Variants in CFAP96 observed in about 807,000 individuals in gnomAD.
CFAP96 encodes cilia and flagella associated protein 96.
At chr4:185,449,053 C>T in the CFAP96 span, among the ~76,000 whole-genome samples, 3 of 152,090 alleles carry the variant, frequency 2.0e-5, no homozygotes, top group Admixed American at 6.6e-5. Context: ...CCTTTGGACA[C>T]CAGAATTTAA....
At chr4:185,426,879 CAAAAAAAAAAAAAAAAAAAA>C in the CFAP96 span, among the ~76,000 whole-genome samples, 10 of 69,038 alleles carry the variant, frequency 1.4e-4, no homozygotes, top group East Asian at 3.6e-4. Flanking sequence ...CTAAAAATAC[CAAAAAAAAAAAAAAAAAAAA>C]AAAAAAAAAA....
the CFAP96 span, among the ~76,000 whole-genome samples, chr4:185,443,422 C>A: frequency 1.4e-5 from 2 of 142,004 alleles, no homozygotes; most frequent in African/African-American, 5.3e-5. Flanking sequence ...TGGCTCACTG[C>A]AACCTCTGCC....
chr4:185,430,782 A>G, the CFAP96 span, among the ~76,000 whole-genome samples: 1 of 151,992 alleles, frequency 6.6e-6, no homozygotes, highest in Non-Finnish European at 1.5e-5. Flanking sequence ...CTGCCCGTAT[A>G]GTCTCAGCTA....
the CFAP96 span, among the ~76,000 whole-genome samples, chr4:185,412,738 T>C: frequency 3.9e-5 from 6 of 151,968 alleles, no homozygotes; most frequent in African/African-American, 1.2e-4. Flanking sequence ...CAGAAAGCAA[T>C]AGCAATGCCA....
At chr4:185,436,450 A>T in the CFAP96 span, 2 of 943,576 alleles carry the variant, frequency 2.1e-6, no homozygotes, top group Non-Finnish European at 3.3e-6. Context: ...GGTGGCTCAC[A>T]TCTGTAATCC....
chr4:185,448,976 T>C, the CFAP96 span, among the ~76,000 whole-genome samples: 1 of 152,238 alleles, frequency 6.6e-6, no homozygotes, highest in Non-Finnish European at 1.5e-5. Context: ...CTTTTTATAA[T>C]ACATTATCAA....
the CFAP96 span, among the ~76,000 whole-genome samples, chr4:185,442,808 T>TGA: frequency 6.6e-6 from 1 of 152,198 alleles, no homozygotes; most frequent in Non-Finnish European, 1.5e-5. Flanking sequence ...CTATTTAGAC[T>TGA]ATCCCTTCAC....
chr4:185,422,584 G>C, the CFAP96 span: 8 of 1,524,600 alleles, frequency 5.2e-6, no homozygotes, highest in East Asian at 1.8e-4. Context: ...TAAAGATAAA[G>C]ACAAACTCCC....
At chr4:185,439,182 A>T in the CFAP96 span, among the ~76,000 whole-genome samples, 2 of 152,190 alleles carry the variant, frequency 1.3e-5, no homozygotes, top group African/African-American at 4.8e-5. Flanking sequence ...TCTTTGAGGG[A>T]AGGGCTTGGT....
the CFAP96 span, among the ~76,000 whole-genome samples, chr4:185,437,416 G>A: frequency 6.6e-6 from 1 of 152,216 alleles, no homozygotes; most frequent in African/African-American, 2.4e-5. Flanking sequence ...GTAATGAAAA[G>A]TCAACTTAAT....
At chr4:185,440,175 T>C in the CFAP96 span, among the ~76,000 whole-genome samples, 1 of 152,052 alleles carries the variant, frequency 6.6e-6, no homozygotes, top group Non-Finnish European at 1.5e-5. Context: ...GATGTGACAC[T>C]GAAATGTAAC....
the CFAP96 span, among the ~76,000 whole-genome samples, chr4:185,411,748 T>C: frequency 6.6e-6 from 1 of 152,306 alleles, no homozygotes; most frequent in East Asian, 1.9e-4. Flanking sequence ...TATAGGAATG[T>C]TCATTGTCTA....
the CFAP96 span, among the ~76,000 whole-genome samples, chr4:185,440,148 C>T: frequency 6.6e-6 from 1 of 151,908 alleles, no homozygotes; most frequent in Non-Finnish European, 1.5e-5. Context: ...ATAATGTCCT[C>T]ATTTACAGTT....
At chr4:185,412,448 C>G in the CFAP96 span, among the ~76,000 whole-genome samples, 1 of 152,018 alleles carries the variant, frequency 6.6e-6, no homozygotes, top group Non-Finnish European at 1.5e-5. Context: ...TTTTTTAATT[C>G]TTAAGATTTC....
At chr4:185,447,185 T>TC in the CFAP96 span, among the ~76,000 whole-genome samples, 112 of 108,640 alleles carry the variant, frequency 1.0e-3, no homozygotes, top group African/African-American at 2.8e-3. Flanking sequence ...TTATATTTTT[T>TC]CTTTTTTTTT....
At chr4:185,444,999 C>T in the CFAP96 span, 1 of 1,551,478 alleles carries the variant, frequency 6.4e-7, no homozygotes, top group African/African-American at 1.4e-5. Context: ...TTGATCCTTA[C>T]CCATCACATT....
chr4:185,412,165 A>G, the CFAP96 span, among the ~76,000 whole-genome samples: 1 of 152,252 alleles, frequency 6.6e-6, no homozygotes, highest in Admixed American at 6.5e-5. Flanking sequence ...CAAATATTAC[A>G]TGATAAATAT....
chr4:185,415,435 TA>T, the CFAP96 span: 1 of 1,144,528 alleles, frequency 8.7e-7, no homozygotes, highest in East Asian at 2.8e-5. Flanking sequence ...CTTAGTATAG[TA>T]AAAAACTTGA....
chr4:185,421,048 T>A, the CFAP96 span, among the ~76,000 whole-genome samples: 1 of 152,230 alleles, frequency 6.6e-6, no homozygotes, highest in Non-Finnish European at 1.5e-5. Flanking sequence ...ACTAATAACA[T>A]AGGCCTGAAA....
Sources: allele counts gnomAD v4.1 joint callset (sites outside exome capture counted in the v4.1 genomes callset), GRCh38; gene constraint gnomAD v4.1.1; transcripts MANE v1.5; gene names NCBI Gene and HGNC (gene_info 2026-07-23, HGNC 2026-07-21).